The following GRIA3 variants were observed in gnomAD, a reference collection of about 807,000 sequenced individuals.
GRIA3 encodes the protein glutamate ionotropic receptor AMPA type subunit 3.
Under a neutral mutation model 63.0 loss-of-function variants are expected in GRIA3, and 3 were observed. That is an observed-to-expected ratio of 0.05 (90% CI 0.02 to 0.12). The LOEUF is 0.12. Among genes scored for constraint, GRIA3 ranks in the 10% least tolerant of loss-of-function variants. The probability of loss-of-function intolerance (pLI) is 1.00; values close to 1 mark genes in which losing one functional copy is unlikely to be tolerated. For missense variants in GRIA3, 347 were observed against 700.9 expected (o/e 0.50, Z 5.70); for synonymous variants, 274 against 257.9 (o/e 1.06, Z -0.60).
chrX:123,184,863 G>A lies in GRIA3; in HGVS notation c.109+219G>A, dbSNP rs1927213377. The A allele has an allele frequency of 2.0e-5, 10 of 493,131 alleles. No homozygotes were observed. The South Asian group carries it at 2.3e-4, about 11-fold the overall frequency. 40.6% of individuals were successfully genotyped at this position (493,131 alleles called of 1,213,427 possible). A position where few individuals can be genotyped will look rare whatever the true frequency, so the allele number is the denominator to read the frequency against. ...GAAGAGCCTCTGGGACAAGAGAGGG[G>A]TCTCCTGGGGCTAGTGGGGGTGAAC... is the stretch of plus-strand genomic sequence containing the variant. On this transcript the variant is annotated intron_variant, in intron 1 of 15. Transcript: ENST00000620443.
intron 10 of GRIA3, among the ~76,000 whole-genome samples, chrX:123,408,857 C>T (rs991832209): frequency 1.8e-5 from 2 of 112,197 alleles, no homozygotes; most frequent in Non-Finnish European, 3.8e-5. Context: ...CCTCTAAAAC[C>T]TGTGGCTATG....
intron 3 of GRIA3, among the ~76,000 whole-genome samples, chrX:123,274,633 C>G (rs1326202269): frequency 8.9e-6 from 1 of 112,001 alleles, no homozygotes; most frequent in African/African-American, 3.2e-5. Flanking sequence ...AATGCCAGCC[C>G]CTGTGTTCTC....
intron 5 of GRIA3, among the ~76,000 whole-genome samples, chrX:123,386,422 T>C (rs1603127462): frequency 8.9e-6 from 1 of 111,977 alleles, no homozygotes; most frequent in Admixed American, 9.5e-5. Flanking sequence ...CTTCACTCTG[T>C]TGATTGTTTC....
intron 5 of GRIA3, among the ~76,000 whole-genome samples, chrX:123,389,688 TTTG>T (rs200693212): frequency 6.1e-4 from 65 of 106,877 alleles, no homozygotes; most frequent in Admixed American, 1.3e-3. Flanking sequence ...TTCTTTTGTT[TTTG>T]TTGTTGTTGT....
intron 2 of GRIA3, among the ~76,000 whole-genome samples, chrX:123,249,918 G>A (rs1248334804): frequency 2.7e-5 from 3 of 111,338 alleles, no homozygotes; most frequent in African/African-American, 9.8e-5. Context: ...ATAATATACA[G>A]GCTTAAAGAT....
chrX:123,471,270 A>G, intron 13 of GRIA3, among the ~76,000 whole-genome samples: 1 of 111,985 alleles, frequency 8.9e-6, no homozygotes, highest in South Asian at 3.8e-4. Context: ...TGCCAAAACC[A>G]TTGATTTTGC....
chrX:123,347,813 A>C (rs1244394076), intron 4 of GRIA3, among the ~76,000 whole-genome samples: 1 of 112,342 alleles, frequency 8.9e-6, no homozygotes, highest in Non-Finnish European at 1.9e-5. Flanking sequence ...TTGCAGCTTT[A>C]AGGGCAACTC....
At chrX:123,333,140 C>T (rs1167150157) in intron 4 of GRIA3, among the ~76,000 whole-genome samples, 4 of 111,363 alleles carry the variant, frequency 3.6e-5, no homozygotes, top group African/African-American at 1.3e-4. Context: ...CTTTCAGCAT[C>T]TTCAAAAGAC....
rs569099112 is a variant in GRIA3, at chrX:123,254,432, G to A, written c.508+890G>A. 7.9e-4 allele frequency among the ~76,000 whole-genome samples: 88 copies of A among 111,709 alleles called. 3 individuals are homozygous for A. In the South Asian group the frequency reaches 0.03, roughly 38 times the overall value. On this transcript the variant is annotated intron_variant, in intron 3 of 15. Transcript: ENST00000620443. Reference sequence around the variant, plus strand: ...AACCAAGGGATTCTATCACCAAGACGTTCCAGAAGACAATGTTACTTTATC... The same window carrying A: ...AACCAAGGGATTCTATCACCAAGACATTCCAGAAGACAATGTTACTTTATC...
At chrX:123,355,486 A>C (rs975522495) in intron 5 of GRIA3, among the ~76,000 whole-genome samples, 1 of 112,268 alleles carries the variant, frequency 8.9e-6, no homozygotes, top group African/African-American at 3.2e-5. Context: ...CAAACTTCCC[A>C]TGCCTTTAAA....
intron 5 of GRIA3, among the ~76,000 whole-genome samples, chrX:123,391,202 A>AT (rs928768122): frequency 2.6e-4 from 29 of 110,795 alleles, no homozygotes; most frequent in African/African-American, 7.9e-4. Context: ...GAGGCAATGT[A>AT]TTTTTTTTAC....
intron 2 of GRIA3, among the ~76,000 whole-genome samples, chrX:123,214,260 C>A (rs1203908354): frequency 9.0e-6 from 1 of 111,717 alleles, no homozygotes; most frequent in African/African-American, 3.3e-5. Flanking sequence ...TTAACATAAG[C>A]TTTTAAGGTT....
At chrX:123,229,920 G>A (rs1393256644) in intron 2 of GRIA3, among the ~76,000 whole-genome samples, 1 of 112,134 alleles carries the variant, frequency 8.9e-6, no homozygotes, top group Non-Finnish European at 1.9e-5. Flanking sequence ...TGATTATCAT[G>A]ATGCAAAATA....
intron 3 of GRIA3, among the ~76,000 whole-genome samples, chrX:123,273,883 A>G (rs1412295147): frequency 8.9e-6 from 1 of 112,202 alleles, no homozygotes; most frequent in Non-Finnish European, 1.9e-5. Flanking sequence ...ATTAAATTAA[A>G]TGCTGATTAA....
intron 2 of GRIA3, among the ~76,000 whole-genome samples, chrX:123,225,157 T>C (rs1342293132): frequency 8.9e-6 from 1 of 112,090 alleles, no homozygotes; most frequent in Non-Finnish European, 1.9e-5. Flanking sequence ...GTATGTAATT[T>C]GGGGCAAGTC....
At chrX:123,289,903 AT>A (rs959218270) in intron 3 of GRIA3, among the ~76,000 whole-genome samples, 11 of 111,244 alleles carry the variant, frequency 9.9e-5, no homozygotes, top group Admixed American at 2.9e-4. Flanking sequence ...ACTTTTTATA[AT>A]TTTTTTATCT....
intron 5 of GRIA3, among the ~76,000 whole-genome samples, chrX:123,382,676 T>C (rs1372703221): frequency 9.0e-6 from 1 of 111,309 alleles, no homozygotes; most frequent in Non-Finnish European, 1.9e-5. Context: ...CTCCTTTTAG[T>C]TTCTCTGCCA....
At chrX:123,464,428 C>T (rs2045824034) in intron 12 of GRIA3, among the ~76,000 whole-genome samples, 1 of 111,813 alleles carries the variant, frequency 8.9e-6, no homozygotes, top group Non-Finnish European at 1.9e-5. Flanking sequence ...ACTGGGCTGA[C>T]TAAAATAGCT....
At chrX:123,274,854 C>T (rs1240048799) in intron 3 of GRIA3, among the ~76,000 whole-genome samples, 2 of 111,642 alleles carry the variant, frequency 1.8e-5, no homozygotes, top group Non-Finnish European at 1.9e-5. Context: ...TAGCAATTTG[C>T]ACAACACCAG....
Sources: gnomAD v4.1 joint callset for allele counts (sites outside exome capture counted in the v4.1 genomes callset) on GRCh38, gnomAD v4.1.1 for gene constraint, MANE v1.5 for transcripts, NCBI Gene and HGNC (gene_info 2026-07-23, HGNC 2026-07-21) for gene names.